Variants in CFAP221 observed in about 807,000 individuals in gnomAD.
CFAP221 encodes the protein cilia and flagella associated protein 221, also known as cilia- and flagella-associated protein 221.
CFAP221 carries 97 observed loss-of-function variants against 113.1 expected under a neutral mutation model. That is an observed-to-expected ratio of 0.86 (90% CI 0.73 to 1.02). The LOEUF is 1.02. Ranked by LOEUF, CFAP221 falls within the 50% of genes least tolerant of loss-of-function variation. The pLI, the probability that CFAP221 is intolerant of heterozygous loss-of-function variation, is 0.00. For missense variants in CFAP221, 1,025 were observed against 1,013.4 expected (o/e 1.01, Z -0.16); for synonymous variants, 331 against 354.4 (o/e 0.93, Z 0.74).
intron 17 of CFAP221, among the ~76,000 whole-genome samples, 200 bp downstream of exon 17, chr2:119,630,155 C>T (rs1686666944): frequency 6.6e-6 from 1 of 152,186 alleles, no homozygotes; most frequent in African/African-American, 2.4e-5. Context: ...AGGATTTCTA[C>T]TCTGTGGATA....
chr2:119,629,326 G>T (rs1686598281), intron 16 of CFAP221, among the ~76,000 whole-genome samples: 1 of 152,196 alleles, frequency 6.6e-6, no homozygotes, highest in African/African-American at 2.4e-5. Flanking sequence ...AGATAGAGGG[G>T]ACAGGATTGG....
rs757545982 is a variant in CFAP221, at chr2:119,546,253, A to G, written c.122A>G (p.Asn41Ser). The G allele has an allele frequency of 6.5e-7, 1 of 1,535,130 alleles. No individual in the cohort carries two copies. The highest frequency in any genetic ancestry group is 8.7e-7 in the Non-Finnish European group (1 of 1,146,528). Reference protein sequence around the residue: ...EEPKKRKEVPNHLLESKVYAK... With the variant: ...EEPKKRKEVPSHLLESKVYAK... ...CCGAAAAAAAGAAAAGAAGTACCTA[A>G]TCACCTCCTAGAATCAAGTAAGTGG... Residue 41 changes from asparagine (N) to serine (S), a missense_variant, in exon 2 of 24, where the codon AAT becomes AGT. Transcript: ENST00000413369.
rs1168994010 is a variant in CFAP221, at chr2:119,604,992, C to A, written c.1024+5C>A. 15 of 1,611,588 alleles carry A rather than the reference C, an allele frequency of 9.3e-6. No homozygotes were observed. The highest frequency in any genetic ancestry group is 1.3e-5 in the Non-Finnish European group (15 of 1,177,950). On this transcript the variant is annotated splice_donor_5th_base_variant and intron_variant, in intron 10 of 23. Coordinates refer to ENST00000413369, the MANE Select transcript of CFAP221 (RefSeq NM_001271049.2). ...AGATTAAAGAATTAAGAGAAGGTAA[C>A]CAGTTGATTGGCCATAAAGCAGCCC...
intron 14 of CFAP221, among the ~76,000 whole-genome samples, chr2:119,616,665 A>C (rs1369069044): frequency 6.6e-6 from 1 of 152,170 alleles, no homozygotes; most frequent in African/African-American, 2.4e-5. Flanking sequence ...TCGTTGTCCC[A>C]GTCTGGTCTG....
rs539831067 is a variant in CFAP221, at chr2:119,582,907, T to C, written c.528-4212T>C. On this transcript the variant is annotated intron_variant, in intron 6 of 23. Coordinates refer to ENST00000413369, the MANE Select transcript of CFAP221 (RefSeq NM_001271049.2). Reference sequence around the variant, plus strand: ...AAGAACAAAAATGAAGCAAAGTTGTTTTTTAGAAAATACAAAACAAGGTGG... The same window carrying C: ...AAGAACAAAAATGAAGCAAAGTTGTCTTTTAGAAAATACAAAACAAGGTGG... Among the ~76,000 whole-genome samples, 327 of 152,308 alleles carry C rather than the reference T, an allele frequency of 2.1e-3. 1 individual carries two copies. Among genetic ancestry groups the C allele is most frequent in the African/African-American group, 7.7e-3 (322 of 41,550 alleles).
At chr2:119,577,511 T>C (rs572197255) in intron 6 of CFAP221, among the ~76,000 whole-genome samples, 14 of 152,266 alleles carry the variant, frequency 9.2e-5, no homozygotes, top group African/African-American at 3.4e-4. Context: ...TTTTCTGTAA[T>C]ATTAGAGACC....
intron 3 of CFAP221, among the ~76,000 whole-genome samples, chr2:119,553,878 A>G (rs910008269): frequency 1.3e-5 from 2 of 152,154 alleles, no homozygotes; most frequent in African/African-American, 4.8e-5. Context: ...AGCCCTTGTG[A>G]GTGAAGGATG....
At chr2:119,557,073 C>CTGGAAAAA (rs1680860884) in intron 3 of CFAP221, 1 of 152,150 alleles carries the variant, frequency 6.6e-6, no homozygotes, top group Non-Finnish European at 1.5e-5. Flanking sequence ...TTCAGGAATA[C>CTGGAAAAA]TGGAAAAATG....
At position 119,587,345 on chromosome 2, in the gene CFAP221, AC is replaced by A. The variant is rs1192689753; in HGVS notation, c.631+124del. 7.2e-6 allele frequency: 4 copies of A among 554,006 alleles called. No homozygotes were observed. The African/African-American group carries it at 7.8e-5, about 11-fold the overall frequency. 34.3% of individuals were successfully genotyped at this position (554,006 alleles called of 1,614,324 possible). ...CTGACCTGATGTAAAATGGAATTGGACACGTCAGAATAACGACACTTTGGGA... is the reference window on the plus strand; with the variant it reads ...CTGACCTGATGTAAAATGGAATTGGAACGTCAGAATAACGACACTTTGGGA... On this transcript the variant is annotated intron_variant, in intron 7 of 23. Transcript: ENST00000413369.
intron 23 of CFAP221, among the ~76,000 whole-genome samples, chr2:119,652,362 A>G (rs1370820975): frequency 2.6e-5 from 4 of 152,224 alleles, no homozygotes; most frequent in Non-Finnish European, 2.9e-5. Context: ...CATTCTGTAT[A>G]AAGAACTGGC....
chr2:119,577,973 A>G (rs1248409156), intron 6 of CFAP221, among the ~76,000 whole-genome samples: 1 of 152,224 alleles, frequency 6.6e-6, no homozygotes, highest in East Asian at 1.9e-4. Flanking sequence ...TCTCTGCTCC[A>G]TGCACAGCCA....
At chr2:119,568,691 T>G (rs887151162) in intron 6 of CFAP221, among the ~76,000 whole-genome samples, 3 of 152,188 alleles carry the variant, frequency 2.0e-5, no homozygotes, top group African/African-American at 7.2e-5. Context: ...TATGGCTGGA[T>G]AGTATTCCAT....
Position 119,559,998 on chromosome 2 carries a change from A to T in CFAP221, c.398A>T (p.Tyr133Phe). ...TTTTCTCCAGATGAGTGGCGATACT[A>T]TTATGACTGCATCCGTGTTCACTGT... Reference protein sequence around the residue: ...VTFSPDEWRYYYDCIRVHCKG... With the variant: ...VTFSPDEWRYFYDCIRVHCKG... The change falls in exon 5 of 24, where the codon TAT becomes TTT. Residue 133 changes from tyrosine to phenylalanine, a missense_variant. Physicochemically the swap from Tyr to Phe is conservative, Grantham distance 22. Coordinates refer to ENST00000413369, the MANE Select transcript of CFAP221 (RefSeq NM_001271049.2). 1.3e-6 allele frequency: 2 copies of T among 1,516,810 alleles called. No homozygotes were observed. Among genetic ancestry groups the T allele is most frequent in the Admixed American group, 4.0e-5 (2 of 50,012 alleles). The allele number at this position is 1,516,810 out of a possible 1,614,324, so 94.0% of individuals were successfully genotyped here.
rs569732119 is a variant in CFAP221, at chr2:119,621,240, CAG to C, written c.1411-4342_1411-4341del. On this transcript the variant is annotated intron_variant, in intron 14 of 23. Coordinates refer to ENST00000413369, the MANE Select transcript of CFAP221 (RefSeq NM_001271049.2). Reference sequence around the variant, plus strand: ...AACTGTGTCAAAAAAAAAAAAAAAGCAGGGGTTGCAATCCTAGGCTCTGATAA... The same window carrying C: ...AACTGTGTCAAAAAAAAAAAAAAAGCGGGTTGCAATCCTAGGCTCTGATAA... 2.6e-3 allele frequency among the ~76,000 whole-genome samples: 389 copies of C among 148,446 alleles called. 2 individuals are homozygous for C. The highest frequency in any genetic ancestry group is 9.2e-3 in the African/African-American group (371 of 40,250).
intron 10 of CFAP221, 45 bp from the exon 11 acceptor site, chr2:119,605,136 T>C: frequency 6.5e-7 from 1 of 1,545,904 alleles, no homozygotes; most frequent in Non-Finnish European, 8.9e-7. Context: ...CGCACATGAT[T>C]TTAATCTGAT....
intron 6 of CFAP221, among the ~76,000 whole-genome samples, chr2:119,567,484 G>C (rs1273545445): frequency 6.6e-6 from 1 of 152,148 alleles, no homozygotes; most frequent in Non-Finnish European, 1.5e-5. Context: ...ATATTCCATA[G>C]TATAGATGTA....
chr2:119,651,191 A>G (rs1688108541), intron 22 of CFAP221, among the ~76,000 whole-genome samples: 1 of 152,208 alleles, frequency 6.6e-6, no homozygotes, highest in South Asian at 2.1e-4. Flanking sequence ...GCTTTGCTCC[A>G]GCTGAAACCC....
intron 6 of CFAP221, among the ~76,000 whole-genome samples, chr2:119,573,865 T>C (rs966651627): frequency 3.9e-5 from 6 of 152,198 alleles, no homozygotes; most frequent in African/African-American, 1.4e-4. Flanking sequence ...AAGAAAATCA[T>C]CCAACCTCTA....
downstream of CFAP221, among the ~76,000 whole-genome samples, chr2:119,658,215 G>GA (rs1432096957): frequency 9.9e-5 from 15 of 152,126 alleles, no homozygotes; most frequent in African/African-American, 3.6e-4. Context: ...TTATTCAGTA[G>GA]ATTTTTATAT....
Sources: allele counts gnomAD v4.1 joint callset (sites outside exome capture counted in the v4.1 genomes callset), GRCh38; gene constraint gnomAD v4.1.1; transcripts MANE v1.5; gene names NCBI Gene and HGNC (gene_info 2026-07-23, HGNC 2026-07-21).